Variants in PCBP3 observed in about 807,000 individuals in gnomAD.
PCBP3 encodes poly(rC) binding protein 3.
A neutral mutation model predicts 52.7 loss-of-function variants in PCBP3; 25 were observed. The observed-to-expected ratio is 0.47, with a 90% CI of 0.35 to 0.66. The LOEUF is 0.66. Among genes scored for constraint, PCBP3 ranks in the 30% least tolerant of loss-of-function variants. The pLI is 0.01. For synonymous variants in PCBP3, 162 were observed against 183.0 expected, an observed-to-expected ratio of 0.89 and a Z score of 0.93; for missense variants, 391 against 490.3, an observed-to-expected ratio of 0.80 and a Z score of 1.91.
intron 9 of PCBP3, among the ~76,000 whole-genome samples, chr21:45,902,162 T>C (rs996185576): frequency 2.0e-5 from 3 of 152,152 alleles, no homozygotes; most frequent in Non-Finnish European, 4.4e-5. Flanking sequence ...TTCCAGTGGG[T>C]CCTGAGTTGG....
intron 5 of PCBP3, among the ~76,000 whole-genome samples, chr21:45,862,597 G>A (rs1177048336): frequency 6.6e-6 from 1 of 152,126 alleles, no homozygotes; most frequent in African/African-American, 2.4e-5. Flanking sequence ...TCCGATACTC[G>A]TTATTTTAGC....
chr21:45,807,461 G>A (rs1364282581), intron 4 of PCBP3, among the ~76,000 whole-genome samples: 1 of 152,062 alleles, frequency 6.6e-6, no homozygotes, highest in African/African-American at 2.4e-5. Context: ...AAAATACCTA[G>A]GAATACAACT....
rs761478511 is a variant in PCBP3 at position 45,704,484 on chromosome 21, C to G, written c.-199-30908C>G. ...AGGCCGCAGCGTCTGCCCCCATTTTCCTGCTCTCCCCTGGCAGAGGCGCCC... is the reference window on the plus strand; with the variant it reads ...AGGCCGCAGCGTCTGCCCCCATTTTGCTGCTCTCCCCTGGCAGAGGCGCCC... On this transcript the variant is annotated intron_variant, in intron 2 of 17. Transcript: ENST00000681687. The surrounding 1 kb of genome is among the most constrained non-coding windows in gnomAD (Gnocchi z 4.1). Among the ~76,000 whole-genome samples the G allele has an allele frequency of 7.9e-5, 12 of 152,176 alleles. No individual in the cohort carries two copies. Among genetic ancestry groups the G allele is most frequent in the Non-Finnish European group, 1.6e-4 (11 of 68,020 alleles).
intron 2 of PCBP3, among the ~76,000 whole-genome samples, chr21:45,696,469 GA>G (rs1184998521): frequency 6.6e-6 from 1 of 152,054 alleles, no homozygotes; most frequent in Non-Finnish European, 1.5e-5. Flanking sequence ...CAGAATGTAT[GA>G]AAACGACTGC....
chr21:45,769,099 C>G (rs2089633044), intron 4 of PCBP3, among the ~76,000 whole-genome samples: 2 of 152,294 alleles, frequency 1.3e-5, no homozygotes, highest in East Asian at 1.9e-4. Context: ...TGACTTAGCT[C>G]AGCCTCAGCC....
chr21:45,658,004 C>G (rs2080129778), intron 1 of PCBP3, among the ~76,000 whole-genome samples: 1 of 152,118 alleles, frequency 6.6e-6, no homozygotes, highest in Non-Finnish European at 1.5e-5. Context: ...AGGGGGAAAG[C>G]TTTTAGCCTC....
intron 4 of PCBP3, among the ~76,000 whole-genome samples, chr21:45,776,829 T>G (rs563297532): frequency 8.5e-4 from 130 of 152,352 alleles, no homozygotes; most frequent in Non-Finnish European, 1.6e-3. Context: ...CCGTTCTGTT[T>G]CTGGAGCATT....
intron 4 of PCBP3, among the ~76,000 whole-genome samples, chr21:45,774,388 CAAA>C (rs902926846): frequency 9.2e-6 from 1 of 108,774 alleles, no homozygotes; most frequent in Non-Finnish European, 1.9e-5. Flanking sequence ...GACTCCATCT[CAAA>C]AAAAAAAAAA....
chr21:45,647,713 A>G (rs2079410071), intron 1 of PCBP3, among the ~76,000 whole-genome samples: 1 of 152,112 alleles, frequency 6.6e-6, no homozygotes, highest in South Asian at 2.1e-4. Flanking sequence ...GCATTGTGAA[A>G]TGGTTGGAAC....
chr21:45,718,924 A>C (rs2084415410), intron 2 of PCBP3, among the ~76,000 whole-genome samples: 1 of 152,238 alleles, frequency 6.6e-6, no homozygotes, highest in Non-Finnish European at 1.5e-5. Flanking sequence ...ACTGGCCAAC[A>C]GTTTGGAAAA....
At chr21:45,758,696 A>AT (rs1242844307) in intron 4 of PCBP3, among the ~76,000 whole-genome samples, 5 of 151,630 alleles carry the variant, frequency 3.3e-5, no homozygotes, top group South Asian at 2.1e-4. Flanking sequence ...AGCTCTAATT[A>AT]TTTTTTTACA....
chr21:45,705,572 C>T (rs898162840), intron 2 of PCBP3, among the ~76,000 whole-genome samples: 1 of 152,140 alleles, frequency 6.6e-6, no homozygotes, highest in African/African-American at 2.4e-5. Flanking sequence ...TCAGGGTGCT[C>T]CTGTCTGTGA....
chr21:45,669,825 A>G (rs1298248234), intron 2 of PCBP3, among the ~76,000 whole-genome samples: 3 of 128,102 alleles, frequency 2.3e-5, no homozygotes, highest in African/African-American at 2.8e-5. Context: ...ATATATATAT[A>G]TATATATATA....
intron 2 of PCBP3, among the ~76,000 whole-genome samples, chr21:45,698,365 A>C (rs1386619616): frequency 6.6e-6 from 1 of 152,256 alleles, no homozygotes; most frequent in Non-Finnish European, 1.5e-5. Flanking sequence ...TATGGGGGAC[A>C]CATGCTTCTT....
chr21:45,683,636 T>A (rs2081979832), intron 2 of PCBP3, among the ~76,000 whole-genome samples: 1 of 152,014 alleles, frequency 6.6e-6, no homozygotes, highest in Non-Finnish European at 1.5e-5. Flanking sequence ...TCAATACACG[T>A]GAGTGTTTTA....
chr21:45,815,049 G>GA (rs2092845120), intron 4 of PCBP3, among the ~76,000 whole-genome samples: 1 of 124,690 alleles, frequency 8.0e-6, no homozygotes, highest in Non-Finnish European at 1.7e-5. Flanking sequence ...AGTGGTGAGT[G>GA]GTGAGTGTTG....
At chr21:45,698,704 A>G (rs1243913184) in intron 2 of PCBP3, among the ~76,000 whole-genome samples, 2 of 152,240 alleles carry the variant, frequency 1.3e-5, no homozygotes, top group African/African-American at 4.8e-5. Flanking sequence ...CCCAGCCCCA[A>G]AAGAATATGA....
intron 2 of PCBP3, among the ~76,000 whole-genome samples, chr21:45,696,079 C>CAAAAAAA (rs71185164): frequency 2.5e-5 from 1 of 39,638 alleles, no homozygotes; most frequent in African/African-American, 9.4e-5. Flanking sequence ...GACTCTGTCT[C>CAAAAAAA]AAAAAAAAAA....
chr21:45,704,038 A>T lies in PCBP3; in HGVS notation c.-199-31354A>T, dbSNP rs552030338. 2.6e-5 allele frequency among the ~76,000 whole-genome samples: 4 copies of T among 152,274 alleles called. No individual in the cohort carries two copies. In the South Asian group the frequency reaches 8.3e-4, roughly 32 times the overall value. On this transcript the variant is annotated intron_variant, in intron 2 of 17. Coordinates refer to ENST00000681687, the MANE Select transcript of PCBP3 (RefSeq NM_001384156.1). This position sits in a 1 kb window ranked among gnomAD's most constrained non-coding sequence, Gnocchi z 4.1. ...ATGAAATTACCAAGTAGGGAGTACA[A>T]GGAGAGACGAGGATCCAGGATGGAG...
Sources: gnomAD v4.1 joint callset for allele counts (sites outside exome capture counted in the v4.1 genomes callset) on GRCh38, gnomAD v4.1.1 for gene constraint, Gnocchi (gnomAD v3.1) non-coding constraint, MANE v1.5 for transcripts, NCBI Gene and HGNC (gene_info 2026-07-23, HGNC 2026-07-21) for gene names.